ARID1B: variants seen among roughly 807,000 people sequenced by gnomAD.
ARID1B encodes AT-rich interactive domain-containing protein 1B.
Under a neutral mutation model 212.3 loss-of-function variants are expected in ARID1B, and 30 were observed. The ratio of observed to expected loss-of-function variants is 0.14; its 90% CI spans 0.11 to 0.19. The LOEUF (loss-of-function observed/expected upper bound fraction) is 0.19, where lower values mean the gene tolerates loss of function less well. Ranked by LOEUF, ARID1B falls within the 10% of genes least tolerant of loss-of-function variation. The probability of loss-of-function intolerance (pLI) is 1.00; values close to 1 mark genes in which losing one functional copy is unlikely to be tolerated. For synonymous variants in ARID1B, 1,402 were observed against 1,301.7 expected (o/e 1.08, Z -1.66); for missense variants, 2,891 against 3,204.0 (o/e 0.90, Z 2.36).
intron 8 of ARID1B, chr6:157,150,565 C>G (rs1392813856): frequency 3.0e-5 from 5 of 165,762 alleles, no homozygotes; most frequent in African/African-American, 4.8e-5. Flanking sequence ...GAGGCATTTT[C>G]TGTACCCCCC....
chr6:156,815,059 T>C (rs1781866664), intron 1 of ARID1B, among the ~76,000 whole-genome samples: 1 of 152,192 alleles, frequency 6.6e-6, no homozygotes. Flanking sequence ...GTGTTTTGAG[T>C]ATACCTAAAG....
At chr6:156,958,012 T>G (rs1794093593) in intron 4 of ARID1B, among the ~76,000 whole-genome samples, 1 of 152,244 alleles carries the variant, frequency 6.6e-6, no homozygotes, top group South Asian at 2.1e-4. Flanking sequence ...AGAACTGCAT[T>G]TTACATTCAG....
intron 4 of ARID1B, among the ~76,000 whole-genome samples, chr6:157,012,498 TACTGGAGGCTA>T (rs904853646): frequency 6.6e-6 from 1 of 152,210 alleles, no homozygotes; most frequent in Admixed American, 6.5e-5. Flanking sequence ...ATATATGGTA[TACTGGAGGCTA>T]ACTGGAGGCT....
intron 4 of ARID1B, among the ~76,000 whole-genome samples, chr6:156,958,117 TC>T (rs1220077191): frequency 1.3e-5 from 2 of 152,212 alleles, no homozygotes; most frequent in Non-Finnish European, 2.9e-5. Context: ...GTTGTCCACA[TC>T]CATCCCACTG....
At chr6:156,975,152 C>T (rs1337831279) in intron 4 of ARID1B, among the ~76,000 whole-genome samples, 1 of 152,224 alleles carries the variant, frequency 6.6e-6, no homozygotes, top group Non-Finnish European at 1.5e-5. Flanking sequence ...GTGTTCCTCT[C>T]CACACCTCAC....
At chr6:156,899,900 C>G (rs756332221) in intron 2 of ARID1B, among the ~76,000 whole-genome samples, 2 of 152,176 alleles carry the variant, frequency 1.3e-5, no homozygotes, top group African/African-American at 2.4e-5. Flanking sequence ...TGCTTTAAAT[C>G]AAACTGCAAA....
At chr6:156,907,592 CTGT>C (rs1399115916) in intron 3 of ARID1B, among the ~76,000 whole-genome samples, 2 of 152,042 alleles carry the variant, frequency 1.3e-5, no homozygotes, top group East Asian at 3.9e-4. Flanking sequence ...GTTTTGGTAT[CTGT>C]ACTTTTCGAG....
At chr6:157,020,403 A>G (rs1311624535) in intron 4 of ARID1B, among the ~76,000 whole-genome samples, 3 of 152,206 alleles carry the variant, frequency 2.0e-5, no homozygotes, top group Non-Finnish European at 4.4e-5. Flanking sequence ...TTTTATTGCG[A>G]TAATATATAA....
At chr6:157,010,911 T>C (rs965090562) in intron 4 of ARID1B, among the ~76,000 whole-genome samples, 20 of 152,212 alleles carry the variant, frequency 1.3e-4, no homozygotes, top group African/African-American at 4.1e-4. Flanking sequence ...TAGGGAATTA[T>C]TAGTTTAACT....
Position 157,167,147 on chromosome 6 carries a change from C to T in ARID1B, c.3197C>T (p.Pro1066Leu), listed in dbSNP as rs2128290929. The T allele has an allele frequency of 6.2e-7, 1 of 1,610,606 alleles. No individual in the cohort carries two copies. Among genetic ancestry groups the T allele is most frequent in the Non-Finnish European group, 8.5e-7 (1 of 1,180,006 alleles). Residue 1066 changes from proline (P) to leucine (L), a missense_variant, in exon 9 of 20, where the codon CCC (proline) becomes CTC (leucine). Coordinates refer to ENST00000636930, the MANE Select transcript of ARID1B (RefSeq NM_001374828.1). ...AGCCTGATGAACACGCAGGCGCCGC[C>T]CTACAGCATGGCGCCCGCCATGGTG... ...SSSLMNTQAP[P>L]YSMAPAMVNS...
chr6:156,968,194 T>C (rs1443213885), intron 4 of ARID1B, among the ~76,000 whole-genome samples: 1 of 152,250 alleles, frequency 6.6e-6, no homozygotes, highest in African/African-American at 2.4e-5. Flanking sequence ...GTTGTTTTGG[T>C]AATACTGTTT....
At chr6:156,930,918 G>C (rs1032691362) in intron 3 of ARID1B, among the ~76,000 whole-genome samples, 6 of 152,110 alleles carry the variant, frequency 3.9e-5, no homozygotes, top group Non-Finnish European at 7.4e-5. Context: ...AGGCCAGGCA[G>C]AGTGGCTTAT....
intron 2 of ARID1B, among the ~76,000 whole-genome samples, chr6:156,878,431 A>G (rs189650126): frequency 8.5e-4 from 129 of 152,312 alleles, no homozygotes; most frequent in African/African-American, 2.9e-3. Context: ...TTGTACCTCC[A>G]TATCGCCCCA....
At chr6:156,923,547 A>T (rs1337393870) in intron 3 of ARID1B, among the ~76,000 whole-genome samples, 1 of 152,158 alleles carries the variant, frequency 6.6e-6, no homozygotes, top group Non-Finnish European at 1.5e-5. Context: ...TACTTACTTT[A>T]TGGGGTCAGT....
intron 4 of ARID1B, among the ~76,000 whole-genome samples, chr6:157,052,250 C>T (rs1782658409): frequency 1.3e-5 from 2 of 152,290 alleles, no homozygotes; most frequent in African/African-American, 4.8e-5. Flanking sequence ...TATCTCTAGA[C>T]AGTCAAGCTT....
intron 4 of ARID1B, among the ~76,000 whole-genome samples, chr6:156,957,999 A>G (rs190417085): frequency 2.8e-4 from 43 of 152,364 alleles, no homozygotes; most frequent in Admixed American, 1.8e-3. Context: ...TAGAATTTTC[A>G]TAAGAACTGC....
rs869259426 is a variant in ARID1B at position 156,902,735 on chromosome 6, CAAAA to C, written c.2136+1234_2136+1237del. ...CTTGCAACAGAGTGAGACTCTGTCT[CAAAA>C]AAAAAAAAAAAAAAAAAAAAAAAGT... On this transcript the variant is annotated intron_variant, in intron 3 of 19. Transcript: ENST00000636930. Among the ~76,000 whole-genome samples, 6 of 61,676 alleles carry C rather than the reference CAAAA, an allele frequency of 9.7e-5. No individual in the cohort carries two copies. In the East Asian group the frequency reaches 4.7e-3, roughly 48 times the overall value. The allele number at this position is 61,676 out of a possible 152,430, so 40.5% of individuals were successfully genotyped here.
At chr6:157,109,676 A>G (rs1379805563) in intron 5 of ARID1B, among the ~76,000 whole-genome samples, 1 of 152,314 alleles carries the variant, frequency 6.6e-6, no homozygotes, top group South Asian at 2.1e-4. Flanking sequence ...CTGCCTTCAC[A>G]TGACTCATTA....
intron 6 of ARID1B, among the ~76,000 whole-genome samples, chr6:157,116,696 T>C (rs1441766203): frequency 6.6e-6 from 1 of 151,970 alleles, no homozygotes; most frequent in African/African-American, 2.4e-5. Flanking sequence ...TCTGGCACCA[T>C]TGTGTGGCCA....
Sources: gnomAD v4.1 joint callset for allele counts (sites outside exome capture counted in the v4.1 genomes callset) on GRCh38, gnomAD v4.1.1 for gene constraint, MANE v1.5 for transcripts, NCBI Gene and HGNC (gene_info 2026-07-23, HGNC 2026-07-21) for gene names.